Variants in CADM2 observed in about 807,000 individuals in gnomAD.
CADM2 encodes the protein immunoglobulin superfamily member 4D.
CADM2 carries 12 observed loss-of-function variants against 49.8 expected under a neutral mutation model. The observed-to-expected ratio is 0.24, with a 90% CI of 0.15 to 0.39. The LOEUF (loss-of-function observed/expected upper bound fraction) is 0.39. Ranked by LOEUF, CADM2 falls within the 10% of genes least tolerant of loss-of-function variation. The probability of loss-of-function intolerance (pLI) is 1.00; values close to 1 mark genes in which losing one functional copy is unlikely to be tolerated. For missense variants in CADM2, 378 were observed against 492.3 expected (o/e 0.77, Z 2.20); for synonymous variants, 214 against 175.4 (o/e 1.22, Z -1.74).
At chr3:85,331,304 T>C (rs1261627988) in intron 1 of CADM2, among the ~76,000 whole-genome samples, 1 of 151,906 alleles carries the variant, frequency 6.6e-6, no homozygotes, top group Non-Finnish European at 1.5e-5. Context: ...CAGCCTCTGG[T>C]AACCACCATT....
chr3:85,922,531 C>T (rs972437995), intron 6 of CADM2, among the ~76,000 whole-genome samples: 8 of 151,880 alleles, frequency 5.3e-5, no homozygotes, highest in African/African-American at 1.9e-4. Context: ...ATTTCTCTGG[C>T]TTTAATGGTA....
chr3:85,150,757 A>C (rs2039896078), intron 1 of CADM2, among the ~76,000 whole-genome samples: 1 of 151,666 alleles, frequency 6.6e-6, no homozygotes. Flanking sequence ...AAGGAAAAAA[A>C]AATTAGCCAG....
intron 3 of CADM2, among the ~76,000 whole-genome samples, chr3:85,831,602 A>G (rs922922493): frequency 1.3e-4 from 19 of 151,914 alleles, no homozygotes; most frequent in African/African-American, 4.6e-4. Context: ...GCATTTTAAA[A>G]TATATTTTTG....
chr3:85,725,025 A>C (rs2067644974), intron 1 of CADM2, among the ~76,000 whole-genome samples: 1 of 151,918 alleles, frequency 6.6e-6, no homozygotes, highest in Admixed American at 6.6e-5. Flanking sequence ...CTTTAAAAAA[A>C]ATCTTCACAA....
intron 1 of CADM2, among the ~76,000 whole-genome samples, chr3:85,696,850 G>A (rs1208789578): frequency 6.6e-6 from 1 of 151,370 alleles, no homozygotes; most frequent in Non-Finnish European, 1.5e-5. Flanking sequence ...TAGCCAGGGT[G>A]GCCAAAAAAT....
At chr3:85,278,420 C>T (rs1288296325) in intron 1 of CADM2, among the ~76,000 whole-genome samples, 1 of 151,312 alleles carries the variant, frequency 6.6e-6, no homozygotes, top group East Asian at 1.9e-4. Context: ...TGTGCAAAAC[C>T]TTGGTAGTGT....
chr3:85,152,761 T>C (rs1174099164), intron 1 of CADM2, among the ~76,000 whole-genome samples: 1 of 151,866 alleles, frequency 6.6e-6, no homozygotes, highest in Non-Finnish European at 1.5e-5. Context: ...ATCGAGACCA[T>C]CCTGGCTAAC....
At chr3:85,204,060 A>C (rs975019709) in intron 1 of CADM2, among the ~76,000 whole-genome samples, 2 of 152,216 alleles carry the variant, frequency 1.3e-5, no homozygotes, top group South Asian at 2.1e-4. Context: ...GTTTCACTAG[A>C]GCTCAAATGA....
intron 8 of CADM2, among the ~76,000 whole-genome samples, chr3:85,979,455 G>C (rs1001216455): frequency 2.0e-5 from 3 of 151,270 alleles, no homozygotes; most frequent in African/African-American, 7.3e-5. Flanking sequence ...AGAAATGATG[G>C]TACATTTTAT....
chr3:86,001,663 C>A (rs1263730017), intron 8 of CADM2, among the ~76,000 whole-genome samples: 3 of 151,804 alleles, frequency 2.0e-5, no homozygotes, highest in Admixed American at 6.6e-5. Flanking sequence ...GCACAGTAAA[C>A]CAAGAATTTG....
At chr3:85,539,961 G>A (rs2061504473) in intron 1 of CADM2, among the ~76,000 whole-genome samples, 9 of 152,102 alleles carry the variant, frequency 5.9e-5, no homozygotes, top group Admixed American at 5.9e-4. Flanking sequence ...AAATATGACT[G>A]GGGATGATAA....
intron 3 of CADM2, among the ~76,000 whole-genome samples, chr3:85,855,602 CATA>C (rs1271367136): frequency 2.3e-5 from 3 of 129,376 alleles, no homozygotes; most frequent in Non-Finnish European, 3.4e-5. Flanking sequence ...ATATATAAAA[CATA>C]TATATATATA....
intron 3 of CADM2, among the ~76,000 whole-genome samples, chr3:85,803,458 A>G (rs1459686936): frequency 6.6e-6 from 1 of 151,736 alleles, no homozygotes; most frequent in Non-Finnish European, 1.5e-5. Flanking sequence ...AGGGGCCTCC[A>G]GGGAGACAAA....
At chr3:85,473,932 CT>C (rs1330049238) in intron 1 of CADM2, among the ~76,000 whole-genome samples, 1 of 151,806 alleles carries the variant, frequency 6.6e-6, no homozygotes, top group Non-Finnish European at 1.5e-5. Context: ...TATTTATCTT[CT>C]TTTAGCTAGT....
chr3:85,722,549 A>T (rs370191906), intron 1 of CADM2, among the ~76,000 whole-genome samples: 1 of 152,210 alleles, frequency 6.6e-6, no homozygotes. Flanking sequence ...AATACCAGTA[A>T]TGTCCTTGCT....
intron 1 of CADM2, among the ~76,000 whole-genome samples, chr3:85,392,888 T>G (rs1168896096): frequency 1.3e-5 from 2 of 152,116 alleles, no homozygotes; most frequent in East Asian, 3.9e-4. Flanking sequence ...TTCATATTTA[T>G]TCTTACTATC....
chr3:85,827,635 T>C (rs1223510637), intron 3 of CADM2, among the ~76,000 whole-genome samples: 1 of 151,990 alleles, frequency 6.6e-6, no homozygotes, highest in Non-Finnish European at 1.5e-5. Flanking sequence ...CAGAGGCTAC[T>C]AGAGAGACAA....
intron 1 of CADM2, among the ~76,000 whole-genome samples, chr3:85,327,774 A>G (rs1490080789): frequency 1.3e-5 from 2 of 151,982 alleles, no homozygotes; most frequent in Non-Finnish European, 2.9e-5. Context: ...GTTTGGCCTT[A>G]TTTTTCTGTA....
intron 1 of CADM2, among the ~76,000 whole-genome samples, chr3:85,211,993 T>A (rs1376726150): frequency 6.6e-6 from 1 of 152,178 alleles, no homozygotes; most frequent in Non-Finnish European, 1.5e-5. Flanking sequence ...AACTGTCATA[T>A]CCTCTTGTTG....
Sources: gnomAD v4.1 joint callset for allele counts (sites outside exome capture counted in the v4.1 genomes callset) on GRCh38, gnomAD v4.1.1 for gene constraint, MANE v1.5 for transcripts, NCBI Gene and HGNC (gene_info 2026-07-23, HGNC 2026-07-21) for gene names.